Variants in LTBP4 observed in about 807,000 individuals in gnomAD.
The protein encoded by LTBP4 is latent transforming growth factor beta binding protein 4, also known as latent-transforming growth factor beta-binding protein 4.
In LTBP4, 93 loss-of-function variants were observed where a neutral mutation model predicts 180.2. The observed-to-expected ratio is 0.52, with a 90% CI of 0.44 to 0.61. The LOEUF (loss-of-function observed/expected upper bound fraction) is 0.61. Ranked by LOEUF, LTBP4 falls within the 20% of genes least tolerant of loss-of-function variation. The pLI is 0.00. For synonymous variants in LTBP4, 947 were observed against 934.5 expected (o/e 1.01, Z -0.24); for missense variants, 2,116 against 2,256.5 (o/e 0.94, Z 1.26).
intron 9 of LTBP4, chr19:40,608,960 C>A (rs4802079): frequency 0.19 from 39,724 of 208,492 alleles, 4,276 homozygotes; most frequent in South Asian, 0.29. Flanking sequence ...AGGTGGGATT[C>A]TGGGGTAAAA....
chr19:40,600,314 T>A, upstream of LTBP4: 1 of 409,454 alleles, frequency 2.4e-6, no homozygotes, highest in Non-Finnish European at 4.3e-6. The surrounding 1 kb of genome is among the most constrained non-coding windows in gnomAD (Gnocchi z 4.4). Context: ...CGAGGCCCCC[T>A]CTAGGGACCC....
chr19:40,619,374 G>A lies in LTBP4; in HGVS notation c.3098G>A (p.Gly1033Asp). 1 of 1,613,944 alleles carries A rather than the reference G, an allele frequency of 6.2e-7. No homozygotes were observed. Among genetic ancestry groups the A allele is most frequent in the Non-Finnish European group, 8.5e-7 (1 of 1,179,898 alleles). ...GTGAACGAGTGTGAAACACTACAGG[G>A]TGTATGTGGAGCTGCCCTGTGTGAA... ...VDVNECETLQ[G>D]VCGAALCENV... Residue 1033 changes from glycine to aspartate, a missense_variant, in exon 22 of 30, where the codon GGT becomes GAT. By Grantham distance (94) the Gly-to-Asp change is moderately conservative (BLOSUM62 -1). Coordinates refer to ENST00000396819, the MANE Select transcript of LTBP4 (RefSeq NM_001042545.2).
chr19:40,615,933 A>G (rs1217409546), intron 19 of LTBP4, among the ~76,000 whole-genome samples: 1 of 152,206 alleles, frequency 6.6e-6, no homozygotes, highest in East Asian at 1.9e-4. Flanking sequence ...TTAGGAAGGA[A>G]AACAAAGCAA....
chr19:40,617,473 G>A (rs748601897), intron 21 of LTBP4, among the ~76,000 whole-genome samples: 21 of 151,970 alleles, frequency 1.4e-4, no homozygotes, highest in Non-Finnish European at 1.9e-4. Context: ...GTGAAACCCC[G>A]TCTCTACTAA....
At chr19:40,610,458 C>T in intron 11 of LTBP4, 74 bp from the exon 12 acceptor site, 6 of 1,514,824 alleles carry the variant, frequency 4.0e-6, no homozygotes, top group Middle Eastern at 1.8e-4. Flanking sequence ...CCGCTTCCCT[C>T]TACCCCTGCC....
At chr19:40,607,559 C>G (rs762279242) in intron 7 of LTBP4, 30 bp downstream of exon 7, 6 of 1,577,248 alleles carry the variant, frequency 3.8e-6, no homozygotes, top group Admixed American at 1.8e-5. Flanking sequence ...CCTAGCCCTA[C>G]GCGCAACACA....
rs184796090 is a variant in LTBP4, at chr19:40,606,063, T to G, written c.794-170T>G. Among the ~76,000 whole-genome samples, 54 of 152,296 alleles carry G rather than the reference T, an allele frequency of 3.5e-4. No homozygotes were observed. In the East Asian group the frequency reaches 9.2e-3, roughly 26 times the overall value. Reference sequence around the variant, plus strand: ...GCCTTTGTGCCTTGGCCCCCCACCATATACTTTGGGAGTCTCCAATGTTGC... The same window carrying G: ...GCCTTTGTGCCTTGGCCCCCCACCAGATACTTTGGGAGTCTCCAATGTTGC... On this transcript the variant is annotated intron_variant, in intron 4 of 29. Coordinates refer to ENST00000396819, the MANE Select transcript of LTBP4 (RefSeq NM_001042545.2).
At chr19:40,623,094 C>A in intron 24 of LTBP4, 73 bp downstream of exon 24, 1 of 1,160,668 alleles carries the variant, frequency 8.6e-7, no homozygotes, top group Non-Finnish European at 1.2e-6. Flanking sequence ...TTTTCTTTGC[C>A]TCTGTCTCTC....
Position 40,629,711 on chromosome 19 carries a change from TC to T in LTBP4, c.*163del. On this transcript the variant is annotated 3_prime_UTR_variant, in exon 30 of 30. Transcript: ENST00000396819. The surrounding 1 kb of genome is among the most constrained non-coding windows in gnomAD (Gnocchi z 4.5). The stretch of plus-strand genomic sequence containing the variant: ...TGCGACGCCCTGCACTGCTCCCGCC[TC>T]CACCAGCGCCTCCCACTGATGTCGT... 1 of 653,174 alleles carries T rather than the reference TC, an allele frequency of 1.5e-6. No individual in the cohort carries two copies. Among genetic ancestry groups the T allele is most frequent in the Non-Finnish European group, 2.2e-6 (1 of 463,306 alleles). 40.5% of individuals were successfully genotyped at this position (653,174 alleles called of 1,614,324 possible).
At chr19:40,628,511 T>C (rs2081654044) in intron 29 of LTBP4, among the ~76,000 whole-genome samples, 5 of 152,102 alleles carry the variant, frequency 3.3e-5, no homozygotes, top group Admixed American at 3.3e-4. Flanking sequence ...CAAAACTCCG[T>C]CTCAAAAAAC....
rs67252351 is a variant in LTBP4 at position 40,620,248 on chromosome 19, G to GT, written c.3217+765dup. Among the ~76,000 whole-genome samples the GT allele has an allele frequency of 3.4e-3, 498 of 148,234 alleles. 4 individuals carry two copies. The highest frequency in any genetic ancestry group is 0.027 in the South Asian group (124 of 4,670). ...TTTTTTTTGAAAATTTTTTTTAAAT[G>GT]TTTTTTTTTTAAGACAGGGTCGTAC... is the stretch of plus-strand genomic sequence containing the variant. On this transcript the variant is annotated intron_variant, in intron 22 of 29. Transcript: ENST00000396819.
In LTBP4 at chr19:40,605,889, G is replaced by T; in HGVS notation, c.793+58G>T. 1 of 1,494,122 alleles carries T rather than the reference G, an allele frequency of 6.7e-7. No individual in the cohort carries two copies. The highest frequency in any genetic ancestry group is 9.0e-7 in the Non-Finnish European group (1 of 1,113,126). The allele number at this position is 1,494,122 out of a possible 1,614,324, so 92.6% of individuals were successfully genotyped here. ...GCTGGGGAGTGGTGACAACCTCACC[G>T]TTCCTCCTACTCTGCCCTAGATAAA... On this transcript the variant is annotated intron_variant, in intron 4 of 29. Transcript: ENST00000396819. The surrounding 1 kb of genome is among the most constrained non-coding windows in gnomAD (Gnocchi z 5.5).
rs761576781 is a variant in LTBP4 at position 40,619,482 on chromosome 19, G to A, written c.3206G>A (p.Arg1069Gln). The A allele has an allele frequency of 4.3e-6, 7 of 1,610,418 alleles. No individual in the cohort carries two copies. The highest frequency in any genetic ancestry group is 2.2e-5 in the South Asian group (2 of 90,568). ...DPMTGRCVPP[R>Q]TSAGTFPGSQ... ...ATGACTGGACGCTGTGTTCCCCCAC[G>A]AACTTCTGCTGGTGAGACTGATGTG... Residue 1069 changes from arginine (R) to glutamine (Q), a missense_variant, in exon 22 of 30, where the codon CGA becomes CAA. Transcript: ENST00000396819.
Position 40,609,697 on chromosome 19 carries a change from G to C in LTBP4, c.1558+36G>C, listed in dbSNP as rs751938521. The C allele has an allele frequency of 1.9e-6, 3 of 1,611,416 alleles. No homozygotes were observed. The highest frequency in any genetic ancestry group is 2.7e-5 in the African/African-American group (2 of 74,882). On this transcript the variant is annotated intron_variant, in intron 10 of 29. Transcript: ENST00000396819. The surrounding 1 kb of genome is among the most constrained non-coding windows in gnomAD (Gnocchi z 4.9). ...CGGAGGGCGCGGAAGGAGGCGGGGC[G>C]GGGGGCTTTGCCTGGTCACCTTGTC... is the stretch of plus-strand genomic sequence containing the variant.
intron 1 of LTBP4, among the ~76,000 whole-genome samples, chr19:40,602,049 T>G (rs1286904447): frequency 6.7e-6 from 1 of 149,728 alleles, no homozygotes; most frequent in African/African-American, 2.5e-5. Flanking sequence ...TGTGTTTGGG[T>G]GGGAAGGTTC....
intron 19 of LTBP4, 126 bp downstream of exon 19, chr19:40,614,572 G>A (rs1049050490): frequency 7.3e-6 from 9 of 1,240,634 alleles, no homozygotes; most frequent in African/African-American, 1.5e-5. Flanking sequence ...CCCTCTCACC[G>A]TATCTCTGTA....
upstream of LTBP4, chr19:40,597,326 G>GCCCCAT: frequency 2.6e-6 from 4 of 1,524,222 alleles, no homozygotes; most frequent in Non-Finnish European, 3.5e-6. Context: ...GCCAGCCCCA[G>GCCCCAT]CCCCAGCCCC....
chr19:40,622,391 G>T lies in LTBP4; in HGVS notation c.3218-10G>T, dbSNP rs1489165628. The T allele has an allele frequency of 6.7e-7, 1 of 1,495,100 alleles. No homozygotes were observed. Among genetic ancestry groups the T allele is most frequent in the Non-Finnish European group, 9.0e-7 (1 of 1,112,874 alleles). The allele number at this position is 1,495,100 out of a possible 1,614,324, so 92.6% of individuals were successfully genotyped here. On this transcript the variant is annotated splice_polypyrimidine_tract_variant and intron_variant, in intron 22 of 29. Transcript: ENST00000396819. The surrounding 1 kb of genome is among the most constrained non-coding windows in gnomAD (Gnocchi z 5.1). Reference sequence around the variant, plus strand: ...AGCCCACACTGGGCTAAAGCTCCTTGTCTCCCCAGGCACGTTCCCAGGCTC... The same window carrying T: ...AGCCCACACTGGGCTAAAGCTCCTTTTCTCCCCAGGCACGTTCCCAGGCTC...
intron 1 of LTBP4, 122 bp downstream of exon 1, chr19:40,601,759 T>C (rs1388296021): frequency 3.8e-6 from 3 of 785,822 alleles, no homozygotes; most frequent in South Asian, 3.6e-5. Flanking sequence ...TGCAAGGGAA[T>C]ATCAGGGGCT....
Sources: gnomAD v4.1 joint callset for allele counts (sites outside exome capture counted in the v4.1 genomes callset) on GRCh38, gnomAD v4.1.1 for gene constraint, Gnocchi (gnomAD v3.1) non-coding constraint, MANE v1.5 for transcripts, NCBI Gene and HGNC (gene_info 2026-07-23, HGNC 2026-07-21) for gene names.